The following MRPL42 variants were observed in gnomAD, a reference collection of about 807,000 sequenced individuals.
MRPL42 encodes mitochondrial ribosomal protein L42, also known as large ribosomal subunit protein mL42.
MRPL42 carries 17 observed loss-of-function variants against 17.9 expected under a neutral mutation model. The observed-to-expected ratio is 0.95, with a 90% CI of 0.65 to 1.42. The LOEUF (loss-of-function observed/expected upper bound fraction) is 1.42, where lower values mean the gene tolerates loss of function less well. Ranked by LOEUF, MRPL42 falls within the 40% of genes most tolerant of loss-of-function variation. MRPL42 has a pLI of 0.00. For synonymous variants in MRPL42, 59 were observed against 54.4 expected, an observed-to-expected ratio of 1.08 and a Z score of -0.37; for missense variants, 177 against 175.2, an observed-to-expected ratio of 1.01 and a Z score of -0.06.
intron 1 of MRPL42, among the ~76,000 whole-genome samples, chr12:93,468,866 A>G (rs1879765941): frequency 6.6e-6 from 1 of 152,190 alleles, no homozygotes; most frequent in African/African-American, 2.4e-5. Flanking sequence ...AAAAGAATGA[A>G]TACTCTGTGT....
chr12:93,477,807 C>T (rs1310102131), intron 3 of MRPL42, among the ~76,000 whole-genome samples: 3 of 152,024 alleles, frequency 2.0e-5, no homozygotes, highest in Non-Finnish European at 2.9e-5. Flanking sequence ...AGACTACAGG[C>T]GCATGCCACC....
chr12:93,473,125 T>C (rs1053548740), intron 2 of MRPL42, among the ~76,000 whole-genome samples: 6 of 152,226 alleles, frequency 3.9e-5, no homozygotes, highest in African/African-American at 1.4e-4. Context: ...ACAGAAATTA[T>C]TGTTAATTGA....
chr12:93,497,614 C>T (rs1408225870), intron 5 of MRPL42, among the ~76,000 whole-genome samples: 2 of 152,100 alleles, frequency 1.3e-5, no homozygotes, highest in Non-Finnish European at 2.9e-5. Flanking sequence ...GACAAACCCA[C>T]AGCCAACATA....
rs1006482280 is a variant in MRPL42, at chr12:93,511,259, C to T, written c.*10038C>T. 7 of 152,068 alleles carry T rather than the reference C, an allele frequency of 4.6e-5. No individual in the cohort carries two copies. The highest frequency in any genetic ancestry group is 4.1e-4 in the South Asian group (2 of 4,822). The allele number at this position is 152,068 out of a possible 1,614,324, so 9.4% of individuals were successfully genotyped here. ...ACTAAATCAACATTTAAATACAGAA[C>T]ATAAAGAGATAAATCCAAAACCAGA... On this transcript the variant is annotated 3_prime_UTR_variant, in exon 6 of 6. Coordinates refer to ENST00000549982, the MANE Select transcript of MRPL42 (RefSeq NM_014050.4).
intron 2 of MRPL42, 121 bp from the exon 3 acceptor site, chr12:93,476,833 A>G: frequency 3.5e-6 from 3 of 864,016 alleles, no homozygotes; most frequent in East Asian, 2.5e-5. Context: ...CCTAGCCCCT[A>G]GCACAGGCCT....
intron 5 of MRPL42, chr12:93,488,364 G>A (rs1953348091): frequency 2.5e-6 from 1 of 398,168 alleles, no homozygotes; most frequent in African/African-American, 2.1e-5. Context: ...TCCCTCAGCT[G>A]GGATTGTAAG....
intron 3 of MRPL42, among the ~76,000 whole-genome samples, chr12:93,478,431 T>A (rs1880287115): frequency 6.6e-6 from 1 of 151,674 alleles, no homozygotes; most frequent in African/African-American, 2.4e-5. Flanking sequence ...TTTTATTTTT[T>A]GTAGAGACAG....
At chr12:93,483,728 A>C (rs962149920) in intron 4 of MRPL42, among the ~76,000 whole-genome samples, 4 of 152,168 alleles carry the variant, frequency 2.6e-5, no homozygotes, top group African/African-American at 7.2e-5. Flanking sequence ...AATTTTTAAA[A>C]AAATATTTTT....
intron 4 of MRPL42, among the ~76,000 whole-genome samples, chr12:93,486,348 C>G (rs1358511099): frequency 2.6e-5 from 4 of 152,016 alleles, no homozygotes; most frequent in African/African-American, 9.7e-5. Context: ...ATGTCATTTT[C>G]TTTCTTTTTT....
rs375282407 is a variant in MRPL42, at chr12:93,515,032, T to C, written c.*13811T>C. The stretch of plus-strand genomic sequence containing the variant: ...CTTCTGCAGATACACTCTCCACCCT[T>C]CTTGATTCCTTTTCGGGAGAAAAGA... On this transcript the variant is annotated 3_prime_UTR_variant, in exon 6 of 6. Coordinates refer to ENST00000549982, the MANE Select transcript of MRPL42 (RefSeq NM_014050.4). The C allele has an allele frequency of 2.0e-5, 3 of 152,316 alleles. No individual in the cohort carries two copies. The highest frequency in any genetic ancestry group is 1.9e-4 in the East Asian group (1 of 5,188). The allele number at this position is 152,316 out of a possible 1,614,324, so 9.4% of individuals were successfully genotyped here.
chr12:93,488,136 A>G (rs1041186105), intron 5 of MRPL42, among the ~76,000 whole-genome samples: 1 of 152,024 alleles, frequency 6.6e-6, no homozygotes, highest in Non-Finnish European at 1.5e-5. Flanking sequence ...ATGCCCAGCT[A>G]ATTTTTTGTA....
At position 93,503,117 on chromosome 12, in the gene MRPL42, C is replaced by T. The variant is rs948143710; in HGVS notation, c.*1896C>T. 4 of 152,128 alleles carry T rather than the reference C, an allele frequency of 2.6e-5. No homozygotes were observed. The highest frequency in any genetic ancestry group is 2.6e-4 in the Admixed American group (4 of 15,282). 9.4% of individuals were successfully genotyped at this position (152,128 alleles called of 1,614,324 possible). On this transcript the variant is annotated 3_prime_UTR_variant, in exon 6 of 6. Coordinates refer to ENST00000549982, the MANE Select transcript of MRPL42 (RefSeq NM_014050.4). ...TCTGTTTTGCAGACATTTTAAAATT[C>T]GTAAAGTGGGATGCTTCTTTAATTT...
At position 93,468,481 on chromosome 12, in the gene MRPL42, A is replaced by T. The variant is rs79190778; in HGVS notation, c.-94-711A>T. ...TTTAAAGTTTCCCAATTTGGCAGTG[A>T]CTGACTCTAAAGTCCTTGGAAGCAA... On this transcript the variant is annotated intron_variant, in intron 1 of 5. Transcript: ENST00000549982. Among the ~76,000 whole-genome samples, 7 of 152,318 alleles carry T rather than the reference A, an allele frequency of 4.6e-5. No homozygotes were observed. In the East Asian group the frequency reaches 1.4e-3, roughly 29 times the overall value.
intron 5 of MRPL42, among the ~76,000 whole-genome samples, chr12:93,500,498 ACACATTTTTC>A (rs1953569624): frequency 6.6e-6 from 1 of 152,186 alleles, no homozygotes; most frequent in Admixed American, 6.5e-5. Flanking sequence ...GCATGACATT[ACACATTTTTC>A]CACAGACATA....
intron 5 of MRPL42, among the ~76,000 whole-genome samples, chr12:93,497,217 C>G (rs554674655): frequency 3.9e-5 from 6 of 152,220 alleles, no homozygotes; most frequent in Middle Eastern, 3.4e-3. Flanking sequence ...GGACTCCTCC[C>G]CAACTCATTC....
intron 5 of MRPL42, 134 bp downstream of exon 5, chr12:93,487,794 T>C: frequency 1.2e-6 from 1 of 819,792 alleles, no homozygotes; most frequent in Non-Finnish European, 1.8e-6. Context: ...CCTACTATGT[T>C]GTACTTTTTT....
At chr12:93,490,964 C>T (rs747198179) in intron 5 of MRPL42, among the ~76,000 whole-genome samples, 22 of 152,134 alleles carry the variant, frequency 1.4e-4, no homozygotes, top group Non-Finnish European at 2.4e-4. Flanking sequence ...CATCTCGGCT[C>T]ACTGCAACCT....
At position 93,501,392 on chromosome 12, in the gene MRPL42, A is replaced by G. The variant is rs1421520970; in HGVS notation, c.*171A>G. 2.3e-6 allele frequency: 1 copy of G among 431,038 alleles called. No homozygotes were observed. The highest frequency in any genetic ancestry group is 4.0e-6 in the Non-Finnish European group (1 of 251,462). 26.7% of individuals were successfully genotyped at this position (431,038 alleles called of 1,614,324 possible). On this transcript the variant is annotated 3_prime_UTR_variant, in exon 6 of 6. Coordinates refer to ENST00000549982, the MANE Select transcript of MRPL42 (RefSeq NM_014050.4). ...AATTCTGGATTTGACATTCTCATTT[A>G]GAGAAACCTATTTTCTTTTTTCTTT... is the stretch of plus-strand genomic sequence containing the variant.
In MRPL42 at chr12:93,513,343, A is replaced by G. The variant is rs1953743261; in HGVS notation, c.*12122A>G. 1.3e-5 allele frequency: 2 copies of G among 151,934 alleles called. No individual in the cohort carries two copies. Among genetic ancestry groups the G allele is most frequent in the South Asian group, 4.2e-4 (2 of 4,812 alleles). The allele number at this position is 151,934 out of a possible 1,614,324, so 9.4% of individuals were successfully genotyped here. On this transcript the variant is annotated 3_prime_UTR_variant, in exon 6 of 6. Transcript: ENST00000549982. Reference sequence around the variant, plus strand: ...GCAGCTGGAGCTTCAGGTGTCTGCCATCACGCCTGGCAAATTTATTTTTTG... The same window carrying G: ...GCAGCTGGAGCTTCAGGTGTCTGCCGTCACGCCTGGCAAATTTATTTTTTG...
Sources: gnomAD v4.1 joint callset for allele counts (sites outside exome capture counted in the v4.1 genomes callset) on GRCh38, gnomAD v4.1.1 for gene constraint, MANE v1.5 for transcripts, NCBI Gene and HGNC (gene_info 2026-07-23, HGNC 2026-07-21) for gene names.